CRTC1: variants seen among roughly 807,000 people sequenced by gnomAD.
CRTC1 encodes CREB regulated transcription coactivator 1.
A neutral mutation model predicts 66.1 loss-of-function variants in CRTC1; 18 were observed. The ratio of observed to expected loss-of-function variants is 0.27; its 90% CI spans 0.19 to 0.40. The LOEUF is 0.40. CRTC1 is among the 10% of genes least tolerant of loss of function. The pLI is 1.00. For missense variants in CRTC1, 669 were observed against 887.9 expected (o/e 0.75, Z 3.13); for synonymous variants, 416 against 398.8 (o/e 1.04, Z -0.51).
intron 1 of CRTC1, among the ~76,000 whole-genome samples, chr19:18,708,910 G>A (rs1336151376): frequency 2.0e-5 from 3 of 152,220 alleles, no homozygotes; most frequent in African/African-American, 4.8e-5. Flanking sequence ...AGGCAGCCGT[G>A]TGGCCACCCT....
At position 18,759,313 on chromosome 19, in the gene CRTC1, A is replaced by T. The variant is rs1796155696; in HGVS notation, c.625-238A>T. ...GAGCAGGGGGAGGGGACCCATAGGG[A>T]GACCCTCTCTGTGCAACTCTTGGCT... On this transcript the variant is annotated intron_variant, in intron 6 of 13. Transcript: ENST00000321949. 2.0e-5 allele frequency among the ~76,000 whole-genome samples: 3 copies of T among 152,224 alleles called. No individual in the cohort carries two copies. The South Asian group carries it at 6.2e-4, about 31-fold the overall frequency.
intron 1 of CRTC1, among the ~76,000 whole-genome samples, chr19:18,694,592 C>G (rs1389685181): frequency 1.3e-5 from 2 of 152,086 alleles, no homozygotes; most frequent in Non-Finnish European, 2.9e-5. Flanking sequence ...GCCACCATGC[C>G]CGGCTAATTT....
At chr19:18,715,116 C>T (rs1218103478) in intron 1 of CRTC1, among the ~76,000 whole-genome samples, 2 of 152,244 alleles carry the variant, frequency 1.3e-5, no homozygotes, top group African/African-American at 2.4e-5. Context: ...CCTCTAGGGG[C>T]GGATCCCTCC....
intron 1 of CRTC1, among the ~76,000 whole-genome samples, chr19:18,732,368 A>C (rs184610564): frequency 1.3e-5 from 2 of 151,828 alleles, no homozygotes; most frequent in East Asian, 3.9e-4. Flanking sequence ...GAGGACTCAG[A>C]AGGTTGGCCC....
At chr19:18,748,007 G>A (rs1277161218) in intron 4 of CRTC1, among the ~76,000 whole-genome samples, 1 of 152,094 alleles carries the variant, frequency 6.6e-6, no homozygotes, top group Non-Finnish European at 1.5e-5. Context: ...AGCCCAGGAG[G>A]TCAAGGCTGC....
At position 18,779,974 on chromosome 19, in the gene CRTC1, C is replaced by T. The variant is rs2055072041; in HGVS notation, c.*2592C>T. On this transcript the variant is annotated 3_prime_UTR_variant, in exon 14 of 14. Coordinates refer to ENST00000321949, the MANE Select transcript of CRTC1 (RefSeq NM_015321.3). ...GCCTCCCAGGGGGTCTGTATCACGGCCTTTTGTGTGTGCGTACGTGTGGTT... is the reference window on the plus strand; with the variant it reads ...GCCTCCCAGGGGGTCTGTATCACGGTCTTTTGTGTGTGCGTACGTGTGGTT... The T allele has an allele frequency of 4.4e-6, 1 of 229,084 alleles. No homozygotes were observed. Among genetic ancestry groups the T allele is most frequent in the Non-Finnish European group, 8.7e-6 (1 of 115,594 alleles). 14.2% of individuals were successfully genotyped at this position (229,084 alleles called of 1,614,324 possible). A position where few individuals can be genotyped will look rare whatever the true frequency, so the allele number is the denominator to read the frequency against.
chr19:18,779,275 TTGCCCGGCAA>T lies in CRTC1; in HGVS notation c.*1898_*1907del. 1 of 228,122 alleles carries T rather than the reference TTGCCCGGCAA, an allele frequency of 4.4e-6. No homozygotes were observed. Among genetic ancestry groups the T allele is most frequent in the Non-Finnish European group, 8.7e-6 (1 of 114,902 alleles). The allele number at this position is 228,122 out of a possible 1,614,324, so 14.1% of individuals were successfully genotyped here. A position where few individuals can be genotyped will look rare whatever the true frequency, so the allele number is the denominator to read the frequency against. Reference sequence around the variant, plus strand: ...TCCTAGCAACCATCCCTTCCTCTCTTTGCCCGGCAATGCCTTTGGCATGTGTCTGAGCAGC... The same window carrying T: ...TCCTAGCAACCATCCCTTCCTCTCTTTGCCTTTGGCATGTGTCTGAGCAGC... On this transcript the variant is annotated 3_prime_UTR_variant, in exon 14 of 14. Coordinates refer to ENST00000321949, the MANE Select transcript of CRTC1 (RefSeq NM_015321.3).
intron 1 of CRTC1, among the ~76,000 whole-genome samples, chr19:18,707,003 T>A (rs1394995305): frequency 2.6e-5 from 4 of 152,202 alleles, no homozygotes; most frequent in African/African-American, 9.6e-5. Flanking sequence ...TTTCACTCTG[T>A]TGATTACGTC....
chr19:18,764,255 G>A (rs2054679123), intron 8 of CRTC1, among the ~76,000 whole-genome samples: 1 of 152,250 alleles, frequency 6.6e-6, no homozygotes, highest in African/African-American at 2.4e-5. Flanking sequence ...GGGTGAGTCA[G>A]GCGGCTTCAC....
At chr19:18,748,310 G>A (rs1024249209) in intron 4 of CRTC1, among the ~76,000 whole-genome samples, 1 of 150,254 alleles carries the variant, frequency 6.7e-6, no homozygotes, top group Admixed American at 6.6e-5. Context: ...GTGCAATGGC[G>A]CGATCACAGG....
chr19:18,768,873 T>C lies in CRTC1; in HGVS notation c.1320+80T>C. The C allele has an allele frequency of 5.4e-6, 8 of 1,481,274 alleles. No homozygotes were observed. The highest frequency in any genetic ancestry group is 2.5e-4 in the Middle Eastern group (1 of 4,032). 91.8% of individuals were successfully genotyped at this position (1,481,274 alleles called of 1,614,324 possible). On this transcript the variant is annotated intron_variant, in intron 10 of 13. Transcript: ENST00000321949. The surrounding 1 kb of genome is among the most constrained non-coding windows in gnomAD (Gnocchi z 5.6). ...CCCGGGGGCTGCAGAACAGTCGGGT[T>C]ACCTGCTGCATGGGCCAGGGGTCAG...
intron 1 of CRTC1, among the ~76,000 whole-genome samples, chr19:18,737,245 T>C (rs112626179): frequency 0.017 from 2,106 of 123,928 alleles, 75 homozygotes; most frequent in African/African-American, 0.064. Flanking sequence ...AAGGGCTCTA[T>C]AGAGGGGTCA....
In CRTC1 at chr19:18,780,567, A is replaced by G. The variant is rs1041809829; in HGVS notation, c.*3185A>G. 4.3e-5 allele frequency: 10 copies of G among 230,598 alleles called. No homozygotes were observed. Among genetic ancestry groups the G allele is most frequent in the Non-Finnish European group, 8.6e-5 (10 of 116,500 alleles). 14.3% of individuals were successfully genotyped at this position (230,598 alleles called of 1,614,324 possible). On this transcript the variant is annotated 3_prime_UTR_variant, in exon 14 of 14. Coordinates refer to ENST00000321949, the MANE Select transcript of CRTC1 (RefSeq NM_015321.3). ...GGACCCCTAGCCAGGAGGGCCCCCC[A>G]TGTCCATCCATCCCTCCTGCTGGGG...
rs569391204 is a variant in CRTC1 at position 18,760,776 on chromosome 19, AC to A, written c.886+554del. Among the ~76,000 whole-genome samples, 429 of 149,624 alleles carry A rather than the reference AC, an allele frequency of 2.9e-3. 1 individual carries two copies. Among genetic ancestry groups the A allele is most frequent in the African/African-American group, 0.01 (411 of 40,444 alleles). ...GCTGCTGCCGCCCTGCTCCCCCGGG[AC>A]CCCCCTCCTGTGGCTGCACTGATTG... is the stretch of plus-strand genomic sequence containing the variant. On this transcript the variant is annotated intron_variant, in intron 8 of 13. Coordinates refer to ENST00000321949, the MANE Select transcript of CRTC1 (RefSeq NM_015321.3). The surrounding 1 kb of genome is among the most constrained non-coding windows in gnomAD (Gnocchi z 6.2).
rs186234262 is a variant in CRTC1 at position 18,714,528 on chromosome 19, G to A, written c.127-28382G>A. Among the ~76,000 whole-genome samples the A allele has an allele frequency of 3.9e-5, 6 of 152,162 alleles. No individual in the cohort carries two copies. The East Asian group carries it at 9.7e-4, about 25-fold the overall frequency. ...TCACCATGTTGGCCAGGCTGGTCTC[G>A]AACTCCTGACCTCGTGATCCGCCTG... On this transcript the variant is annotated intron_variant, in intron 1 of 13. Transcript: ENST00000321949.
In CRTC1 at chr19:18,777,525, C is replaced by T; in HGVS notation, c.*143C>T. The T allele has an allele frequency of 5.1e-6, 4 of 783,656 alleles. No individual in the cohort carries two copies. The highest frequency in any genetic ancestry group is 8.3e-6 in the Non-Finnish European group (4 of 481,666). 48.5% of individuals were successfully genotyped at this position (783,656 alleles called of 1,614,324 possible). ...CCAAGCGCCCCCCGCCAGCCCGCCC[C>T]CGGTTGTCCACCTCCCGCGAAGCCC... On this transcript the variant is annotated 3_prime_UTR_variant, in exon 14 of 14. Transcript: ENST00000321949. This position sits in a 1 kb window ranked among gnomAD's most constrained non-coding sequence, Gnocchi z 5.5.
chr19:18,760,713 G>A lies in CRTC1; in HGVS notation c.886+485G>A, dbSNP rs1236728772. 6.6e-6 allele frequency among the ~76,000 whole-genome samples: 1 copy of A among 151,820 alleles called. No homozygotes were observed. The highest frequency in any genetic ancestry group is 1.5e-5 in the Non-Finnish European group (1 of 67,930). On this transcript the variant is annotated intron_variant, in intron 8 of 13. Transcript: ENST00000321949. The surrounding 1 kb of genome is among the most constrained non-coding windows in gnomAD (Gnocchi z 6.2). ...CTTCCTCAGCCACATCCACAGGGAC[G>A]TCGCACAGGCCCCTCGCCCGTCCCA...
Position 18,718,507 on chromosome 19 carries a change from A to G in CRTC1, c.127-24403A>G, listed in dbSNP as rs112141324. ...GTGCACCACCATGCATGCCTGGCTA[A>G]TTTTTTTTTTTTTTTTTTAGAAACA... On this transcript the variant is annotated intron_variant, in intron 1 of 13. Coordinates refer to ENST00000321949, the MANE Select transcript of CRTC1 (RefSeq NM_015321.3). Among the ~76,000 whole-genome samples, 336 of 140,296 alleles carry G rather than the reference A, an allele frequency of 2.4e-3. 1 individual carries two copies. Among genetic ancestry groups the G allele is most frequent in the African/African-American group, 8.3e-3 (315 of 37,992 alleles). The allele number at this position is 140,296 out of a possible 152,430, so 92.0% of individuals were successfully genotyped here. A position where few individuals can be genotyped will look rare whatever the true frequency, so the allele number is the denominator to read the frequency against.
rs770650764 is a variant in CRTC1 at position 18,713,726 on chromosome 19, C to CT, written c.127-29182dup. 5.9e-5 allele frequency among the ~76,000 whole-genome samples: 9 copies of CT among 152,368 alleles called. No individual in the cohort carries two copies. The East Asian group carries it at 1.7e-3, about 29-fold the overall frequency. On this transcript the variant is annotated intron_variant, in intron 1 of 13. Coordinates refer to ENST00000321949, the MANE Select transcript of CRTC1 (RefSeq NM_015321.3). ...GCCCAGGTCCATTTGGAATATTCCA[C>CT]TTGCGCGTGAAGCAAAGGCCCAAGT...
Sources: gnomAD v4.1 joint callset for allele counts (sites outside exome capture counted in the v4.1 genomes callset) on GRCh38, gnomAD v4.1.1 for gene constraint, Gnocchi (gnomAD v3.1) non-coding constraint, MANE v1.5 for transcripts, NCBI Gene and HGNC (gene_info 2026-07-23, HGNC 2026-07-21) for gene names.